CEMIP: variants seen among roughly 807,000 people sequenced by gnomAD.
The protein encoded by CEMIP is cell migration-inducing and hyaluronan-binding protein.
A neutral mutation model predicts 156.9 loss-of-function variants in CEMIP; 105 were observed. The observed-to-expected ratio is 0.67, with a 90% CI of 0.57 to 0.79. The LOEUF (loss-of-function observed/expected upper bound fraction) is 0.79. Ranked by LOEUF, CEMIP falls within the 30% of genes least tolerant of loss-of-function variation. The probability of loss-of-function intolerance (pLI) is 0.00; values close to 1 mark genes in which losing one functional copy is unlikely to be tolerated. For synonymous variants in CEMIP, 676 were observed against 668.4 expected (o/e 1.01, Z -0.17); for missense variants, 1,457 against 1,769.4 (o/e 0.82, Z 3.17).
chr15:80,823,298 T>C (rs1252547121), intron 1 of CEMIP, among the ~76,000 whole-genome samples: 2 of 152,206 alleles, frequency 1.3e-5, no homozygotes, highest in Non-Finnish European at 2.9e-5. Context: ...GGCAACTAGC[T>C]TCAGACACAG....
intron 12 of CEMIP, among the ~76,000 whole-genome samples, chr15:80,899,058 C>A (rs1899350212): frequency 6.6e-6 from 1 of 151,976 alleles, no homozygotes; most frequent in African/African-American, 2.4e-5. Flanking sequence ...ACTAAAAATA[C>A]AAAAATTAGC....
intron 1 of CEMIP, among the ~76,000 whole-genome samples, chr15:80,848,926 A>ACACACACACACACACACACACC (rs374603705): frequency 6.9e-5 from 9 of 131,186 alleles, no homozygotes; most frequent in African/African-American, 2.1e-4. Context: ...ACACACACAC[A>ACACACACACACACACACACACC]CCCTGGCTTC....
intron 1 of CEMIP, among the ~76,000 whole-genome samples, chr15:80,839,709 C>T (rs1485180089): frequency 1.3e-5 from 2 of 152,202 alleles, no homozygotes; most frequent in Non-Finnish European, 2.9e-5. Flanking sequence ...TGCCCACCTC[C>T]CTTGGACTGT....
At position 80,936,872 on chromosome 15, in the gene CEMIP, A is replaced by G; in HGVS notation, c.3208A>G (p.Ile1070Val). 6.2e-7 allele frequency: 1 copy of G among 1,614,118 alleles called. No homozygotes were observed. Among genetic ancestry groups the G allele is most frequent in the Non-Finnish European group, 8.5e-7 (1 of 1,180,020 alleles). Residue 1070 changes from isoleucine (I) to valine (V), a missense_variant, in exon 24 of 30, where the codon ATC becomes GTC. Coordinates refer to ENST00000394685, the MANE Select transcript of CEMIP (RefSeq NM_001293298.2). ...TAPAELAIWL[I>V]NFNKGDWIRV... ...CCCCGCCGAACTCGCCATCTGGCTC[A>G]TCAACTTCAACAAGTGAGTGGGTGT...
intron 17 of CEMIP, among the ~76,000 whole-genome samples, chr15:80,923,533 C>G (rs76752316): frequency 0.025 from 3,796 of 152,204 alleles, 63 homozygotes; most frequent in Non-Finnish European, 0.039. Flanking sequence ...TGGTTTCTAA[C>G]AAGCAGGCAT....
At position 80,889,340 on chromosome 15, in the gene CEMIP, C is replaced by T. The variant is rs549990849; in HGVS notation, c.965-131C>T. ...CAGATTGATTAGAGCCATCCATGCCCCAGCCTGGTGCAACCATGGACAGAT... is the reference window on the plus strand; with the variant it reads ...CAGATTGATTAGAGCCATCCATGCCTCAGCCTGGTGCAACCATGGACAGAT... On this transcript the variant is annotated intron_variant, in intron 9 of 29. Transcript: ENST00000394685. 1.6e-4 allele frequency: 215 copies of T among 1,314,974 alleles called. No individual in the cohort carries two copies. The African/African-American group carries it at 2.9e-3, about 18-fold the overall frequency. The allele number at this position is 1,314,974 out of a possible 1,614,324, so 81.5% of individuals were successfully genotyped here. A position where few individuals can be genotyped will look rare whatever the true frequency, so the allele number is the denominator to read the frequency against.
intron 10 of CEMIP, among the ~76,000 whole-genome samples, chr15:80,893,653 G>C (rs1190696830): frequency 6.6e-6 from 1 of 152,122 alleles, no homozygotes; most frequent in Non-Finnish European, 1.5e-5. Context: ...CTAAAAGCAA[G>C]TTTGCAACCC....
At chr15:80,931,097 G>C (rs1358925653) in intron 21 of CEMIP, among the ~76,000 whole-genome samples, 1 of 152,150 alleles carries the variant, frequency 6.6e-6, no homozygotes, top group African/African-American at 2.4e-5. Flanking sequence ...ACCAGTTCTT[G>C]TCCAGTCTCT....
chr15:80,904,404 A>G (rs1899704388), intron 12 of CEMIP, among the ~76,000 whole-genome samples: 2 of 152,162 alleles, frequency 1.3e-5, no homozygotes, highest in African/African-American at 4.8e-5. Flanking sequence ...TCTGAAAAAG[A>G]AGGAGGACTC....
At chr15:80,918,974 C>T (rs1045469338) in intron 14 of CEMIP, among the ~76,000 whole-genome samples, 1 of 152,090 alleles carries the variant, frequency 6.6e-6, no homozygotes, top group Non-Finnish European at 1.5e-5. Flanking sequence ...AAAAAAGTGA[C>T]TGAAGAGAAG....
In CEMIP at chr15:80,945,611, C is replaced by T. The variant is rs1901520209; in HGVS notation, c.3858-1354C>T. Among the ~76,000 whole-genome samples the T allele has an allele frequency of 2.0e-5, 3 of 152,228 alleles. No individual in the cohort carries two copies. In the South Asian group the frequency reaches 6.2e-4, roughly 31 times the overall value. ...GCTCCCTTCCCATCTATCCTTATTT[C>T]ACACAAGCCCTTCGCATCTTAAGAT... On this transcript the variant is annotated intron_variant, in intron 28 of 29. Coordinates refer to ENST00000394685, the MANE Select transcript of CEMIP (RefSeq NM_001293298.2).
chr15:80,880,349 G>A (rs1596153912), intron 5 of CEMIP, among the ~76,000 whole-genome samples: 2 of 152,324 alleles, frequency 1.3e-5, no homozygotes, highest in Middle Eastern at 6.8e-3. Context: ...ATGCCAACTT[G>A]TGAACTAATA....
At chr15:80,781,928 C>T (rs1412559703) in intron 1 of CEMIP, among the ~76,000 whole-genome samples, 1 of 152,110 alleles carries the variant, frequency 6.6e-6, no homozygotes, top group Non-Finnish European at 1.5e-5. Context: ...TCTCTCTTAA[C>T]CTAGTAACTG....
At position 80,869,081 on chromosome 15, in the gene CEMIP, A is replaced by C. The variant is rs539941427; in HGVS notation, c.-175-4457A>C. On this transcript the variant is annotated intron_variant, in intron 1 of 29. Coordinates refer to ENST00000394685, the MANE Select transcript of CEMIP (RefSeq NM_001293298.2). Reference sequence around the variant, plus strand: ...TTCTGAAGCCTCTCTCCTTGGCTTGAAGCCTCTCTCCTTGGCTTGAAGGTG... The same window carrying C: ...TTCTGAAGCCTCTCTCCTTGGCTTGCAGCCTCTCTCCTTGGCTTGAAGGTG... Among the ~76,000 whole-genome samples, 317 of 152,250 alleles carry C rather than the reference A, an allele frequency of 2.1e-3. 1 individual carries two copies. The highest frequency in any genetic ancestry group is 2.9e-3 in the Non-Finnish European group (194 of 68,022).
intron 1 of CEMIP, among the ~76,000 whole-genome samples, chr15:80,802,241 C>T (rs1381113084): frequency 2.0e-5 from 3 of 152,214 alleles, no homozygotes; most frequent in African/African-American, 7.2e-5. Context: ...AGTGGAGGTA[C>T]CCAGGAGGCA....
chr15:80,835,816 C>T (rs1897259232), intron 1 of CEMIP, among the ~76,000 whole-genome samples: 1 of 152,184 alleles, frequency 6.6e-6, no homozygotes, highest in Non-Finnish European at 1.5e-5. Flanking sequence ...TTCTCTCTGC[C>T]TCACTGTTGC....
At position 80,942,320 on chromosome 15, in the gene CEMIP, G is replaced by A. The variant is rs768934929; in HGVS notation, c.3682G>A (p.Asp1228Asn). 3.1e-6 allele frequency: 5 copies of A among 1,614,028 alleles called. No individual in the cohort carries two copies. Among genetic ancestry groups the A allele is most frequent in the Non-Finnish European group, 3.4e-6 (4 of 1,179,880 alleles). Residue 1228 changes from aspartate to asparagine, a missense_variant, in exon 27 of 30, where the codon GAC becomes AAC. By Grantham distance (23) the Asp-to-Asn change is conservative (BLOSUM62 1). Around this residue, in one of 5 missense-constraint regions of CEMIP, gnomAD observed 798 missense variants for 980.1 expected, o/e 0.81. Transcript: ENST00000394685. The stretch of plus-strand genomic sequence containing the variant: ...GCAGCACTTCTTCCACCTCTGGAAC[G>A]ACTTCGCTTACATTGAAGTAAGTGC... The part of the protein sequence containing the change: ...SKQHFFHLWN[D>N]FAYIEVDGKK...
intron 25 of CEMIP, among the ~76,000 whole-genome samples, chr15:80,941,418 C>T (rs916919121): frequency 2.6e-5 from 4 of 152,070 alleles, no homozygotes; most frequent in African/African-American, 7.2e-5. Flanking sequence ...GAAGACAGAG[C>T]ATCTCCTCAC....
In CEMIP at chr15:80,873,576, C is replaced by T; in HGVS notation, c.-137C>T. On this transcript the variant is annotated 5_prime_UTR_variant, in exon 2 of 30. Coordinates refer to ENST00000394685, the MANE Select transcript of CEMIP (RefSeq NM_001293298.2). ...TCTGGAGGGGAAGGAGTTTTGAGTG[C>T]CAAGGATGAAATTCCACCCATCACT... is the stretch of plus-strand genomic sequence containing the variant. 2.5e-6 allele frequency: 1 copy of T among 406,258 alleles called. No homozygotes were observed. The highest frequency in any genetic ancestry group is 2.5e-5 in the South Asian group (1 of 40,606). The allele number at this position is 406,258 out of a possible 1,614,324, so 25.2% of individuals were successfully genotyped here.
Sources: allele counts gnomAD v4.1 joint callset (sites outside exome capture counted in the v4.1 genomes callset), GRCh38; gene constraint gnomAD v4.1.1; regional missense constraint gnomAD v4.1.1; transcripts MANE v1.5; gene names NCBI Gene and HGNC (gene_info 2026-07-23, HGNC 2026-07-21).